Variants in ADK observed in about 807,000 individuals in gnomAD.
ADK encodes adenosine kinase, also known as N6,N6-dimethyladenosine kinase.
In ADK, 24 loss-of-function variants were observed where a neutral mutation model predicts 44.7. That is an observed-to-expected ratio of 0.54 (90% confidence interval 0.39 to 0.76). The LOEUF (loss-of-function observed/expected upper bound fraction) is 0.76, where lower values mean the gene tolerates loss of function less well. Among genes scored for constraint, ADK ranks in the 30% least tolerant of loss-of-function variants. The pLI is 0.00. For synonymous variants in ADK, 128 were observed against 142.6 expected (o/e 0.90, Z 0.73); for missense variants, 321 against 425.1 (o/e 0.76, Z 2.15).
At position 74,472,579 on chromosome 10, in the gene ADK, T is replaced by C. The variant is rs547972724; in HGVS notation, c.556-52677T>C. ...GCTTCCTTTTGTAGTGTTGTTCCTCTATCACCTAATTTCCTAATAAGACCT... is the reference window on the plus strand; with the variant it reads ...GCTTCCTTTTGTAGTGTTGTTCCTCCATCACCTAATTTCCTAATAAGACCT... On this transcript the variant is annotated intron_variant, in intron 6 of 10. Transcript: ENST00000539909. Among the ~76,000 whole-genome samples, 8 of 152,310 alleles carry C rather than the reference T, an allele frequency of 5.3e-5. No individual in the cohort carries two copies. In the South Asian group the frequency reaches 1.7e-3, roughly 32 times the overall value.
At chr10:74,451,012 G>A (rs1845753456) in intron 6 of ADK, among the ~76,000 whole-genome samples, 1 of 146,256 alleles carries the variant, frequency 6.8e-6, no homozygotes, top group South Asian at 2.1e-4. Flanking sequence ...ATACAACTGA[G>A]CTTCCTTTCT....
chr10:74,227,108 A>G (rs1011109367), intron 3 of ADK, among the ~76,000 whole-genome samples: 3 of 152,220 alleles, frequency 2.0e-5, no homozygotes, highest in African/African-American at 7.2e-5. Context: ...AGAGTCTGCT[A>G]AGGAGTGTAT....
At chr10:74,234,959 A>G (rs1844904845) in intron 3 of ADK, among the ~76,000 whole-genome samples, 1 of 152,180 alleles carries the variant, frequency 6.6e-6, no homozygotes. Context: ...AATAACATAT[A>G]CAAAATAAAA....
chr10:74,152,687 A>G (rs541828301), intron 1 of ADK, among the ~76,000 whole-genome samples: 1 of 152,188 alleles, frequency 6.6e-6, no homozygotes, highest in Non-Finnish European at 1.5e-5. Context: ...CTTGTTGGAC[A>G]GTTCTGTGAT....
rs199709154 is a variant in ADK at position 74,641,236 on chromosome 10, G to GGCTA, written c.878-28945_878-28942dup. Among the ~76,000 whole-genome samples, 1,081 of 152,144 alleles carry GGCTA rather than the reference G, an allele frequency of 7.1e-3. 8 individuals are homozygous for GGCTA. Among genetic ancestry groups the GGCTA allele is most frequent in the African/African-American group, 0.025 (1,046 of 41,520 alleles). On this transcript the variant is annotated intron_variant, in intron 9 of 10. Coordinates refer to ENST00000539909, the MANE Select transcript of ADK (RefSeq NM_006721.4). ...TATTTTATTTTTAAATATTTCTCTT[G>GGCTA]GCTAGGCATAATGGCCCATGCCTAA...
At chr10:74,439,204 T>TG (rs1275950702) in intron 6 of ADK, among the ~76,000 whole-genome samples, 1 of 152,220 alleles carries the variant, frequency 6.6e-6, no homozygotes, top group Non-Finnish European at 1.5e-5. Context: ...AGAACCCTTA[T>TG]GTTCCACTGA....
At chr10:74,482,964 C>T (rs550024903) in intron 6 of ADK, among the ~76,000 whole-genome samples, 24 of 152,154 alleles carry the variant, frequency 1.6e-4, no homozygotes, top group Non-Finnish European at 2.4e-4. Context: ...TGCAAGCTGT[C>T]GGTGGACCTA....
At chr10:74,159,877 G>A (rs1329748604) in intron 1 of ADK, among the ~76,000 whole-genome samples, 1 of 152,150 alleles carries the variant, frequency 6.6e-6, no homozygotes, top group Non-Finnish European at 1.5e-5. Flanking sequence ...ACAGGTGTGA[G>A]CCACAGCACC....
At chr10:74,475,040 G>T (rs935412179) in intron 6 of ADK, among the ~76,000 whole-genome samples, 1 of 151,904 alleles carries the variant, frequency 6.6e-6, no homozygotes, top group African/African-American at 2.4e-5. Context: ...CAGGAGAATC[G>T]CTTGAACCCG....
chr10:74,701,127 A>ATAT (rs1777279678), intron 10 of ADK, among the ~76,000 whole-genome samples: 1 of 152,230 alleles, frequency 6.6e-6, no homozygotes, highest in African/African-American at 2.4e-5. Context: ...AAGTGAGTAA[A>ATAT]CAAATAAATT....
intron 9 of ADK, among the ~76,000 whole-genome samples, chr10:74,651,156 G>A (rs1007513020): frequency 1.3e-5 from 2 of 152,118 alleles, no homozygotes; most frequent in African/African-American, 4.8e-5. Context: ...GAGTGGAATT[G>A]CCAAAATTCG....
intron 3 of ADK, among the ~76,000 whole-genome samples, chr10:74,292,433 C>T (rs1216524902): frequency 6.6e-6 from 1 of 152,078 alleles, no homozygotes; most frequent in African/African-American, 2.4e-5. Flanking sequence ...ACTCTGTGTC[C>T]TTAGTCATAG....
At chr10:74,610,108 T>C (rs938824333) in intron 9 of ADK, among the ~76,000 whole-genome samples, 1 of 152,138 alleles carries the variant, frequency 6.6e-6, no homozygotes, top group Non-Finnish European at 1.5e-5. Flanking sequence ...TAAACAGATA[T>C]ATGCCCACCC....
chr10:74,170,717 G>A (rs1412009960), intron 1 of ADK, among the ~76,000 whole-genome samples: 7 of 150,688 alleles, frequency 4.6e-5, no homozygotes, highest in Non-Finnish European at 8.9e-5. Flanking sequence ...GGAGAATGGC[G>A]TGAATCTGGG....
intron 6 of ADK, among the ~76,000 whole-genome samples, chr10:74,456,696 CT>C (rs1419832771): frequency 1.4e-4 from 21 of 146,596 alleles, no homozygotes; most frequent in African/African-American, 4.7e-4. Flanking sequence ...AAAAACCTCA[CT>C]GAAAACCACC....
chr10:74,303,757 CAGG>C (rs1840158089), intron 3 of ADK, among the ~76,000 whole-genome samples: 1 of 151,494 alleles, frequency 6.6e-6, no homozygotes, highest in South Asian at 2.1e-4. Context: ...CACCTGAAGT[CAGG>C]AGTTCGAGAC....
At chr10:74,285,929 C>G (rs1847145923) in intron 3 of ADK, among the ~76,000 whole-genome samples, 1 of 151,950 alleles carries the variant, frequency 6.6e-6, no homozygotes, top group Non-Finnish European at 1.5e-5. Context: ...TGTTAATATC[C>G]TTTATTTCAG....
At position 74,303,585 on chromosome 10, in the gene ADK, GTTGT is replaced by G. The variant is rs1375606847; in HGVS notation, c.195-11079_195-11076del. Among the ~76,000 whole-genome samples the G allele has an allele frequency of 2.5e-3, 164 of 64,640 alleles. 20 individuals are homozygous for G. The highest frequency in any genetic ancestry group is 8.1e-3 in the African/African-American group (80 of 9,900). The allele number at this position is 64,640 out of a possible 152,430, so 42.4% of individuals were successfully genotyped here. On this transcript the variant is annotated intron_variant, in intron 3 of 10. Coordinates refer to ENST00000539909, the MANE Select transcript of ADK (RefSeq NM_006721.4). ...AAACACTTTTCATATTGGTTTTAAT[GTTGT>G]TTTTTTTTTTTTTTTTTTTTTTTTT...
intron 6 of ADK, among the ~76,000 whole-genome samples, chr10:74,433,486 C>T (rs1183616998): frequency 6.6e-6 from 1 of 152,118 alleles, no homozygotes; most frequent in East Asian, 1.9e-4. Flanking sequence ...ATGCATTTCT[C>T]AGTAGCAGCA....
Sources: allele counts gnomAD v4.1 joint callset (sites outside exome capture counted in the v4.1 genomes callset), GRCh38; gene constraint gnomAD v4.1.1; transcripts MANE v1.5; gene names NCBI Gene and HGNC (gene_info 2026-07-23, HGNC 2026-07-21).